METTL8: variants seen among roughly 807,000 people sequenced by gnomAD.
The protein encoded by METTL8 is methyltransferase 8, tRNA N3-cytidine, also known as tRNA N(3)-cytidine methyltransferase METTL8, mitochondrial.
In METTL8, 32 loss-of-function variants were observed where a neutral mutation model predicts 48.7. That is an observed-to-expected ratio of 0.66 (90% CI 0.50 to 0.88). METTL8 has a LOEUF of 0.88. Ranked by LOEUF, METTL8 falls within the 40% of genes least tolerant of loss-of-function variation. METTL8 has a pLI of 0.00. For synonymous variants in METTL8, 136 were observed against 157.1 expected, an observed-to-expected ratio of 0.87 and a Z score of 1.01; for missense variants, 464 against 474.4, an observed-to-expected ratio of 0.98 and a Z score of 0.20.
At chr2:171,418,719 C>T (rs761633472) in intron 1 of METTL8, among the ~76,000 whole-genome samples, 3 of 151,892 alleles carry the variant, frequency 2.0e-5, no homozygotes, top group Non-Finnish European at 4.4e-5. Flanking sequence ...TTTGGGAGGC[C>T]GAAGCTGGAG....
Position 171,392,101 on chromosome 2 carries a change from C to A in METTL8, c.85G>T (p.Ala29Ser). ...HRYQSGYHPV[A>S]PLGSRILTDP... is the part of the protein sequence containing the mutation. ...GTTAAAATCCTTGATCCCAGAGGGG[C>A]CACTGGGTGGTAACCACTTTGGTAT... The change falls in exon 2 of 10, where the codon GCC becomes TCC. Residue 29 changes from alanine to serine, a missense_variant. Ala to Ser is a moderately conservative substitution (Grantham distance 99). Coordinates refer to ENST00000375258, the MANE Select transcript of METTL8 (RefSeq NM_001321154.2). 10 of 1,551,636 alleles carry A rather than the reference C, an allele frequency of 6.4e-6. No homozygotes were observed. The highest frequency in any genetic ancestry group is 8.7e-6 in the Non-Finnish European group (10 of 1,146,936).
Position 171,338,408 on chromosome 2 carries a change from C to A in METTL8, c.606+776G>T, listed in dbSNP as rs146105944. 1.9e-3 allele frequency among the ~76,000 whole-genome samples: 293 copies of A among 152,132 alleles called. 7 individuals are homozygous for A. In the East Asian group the frequency reaches 0.029, roughly 15 times the overall value. On this transcript the variant is annotated intron_variant, in intron 4 of 9. Transcript: ENST00000375258. Reference sequence around the variant, plus strand: ...ATCCCAGCACTTTAGGAGGCTGAGGCGGGCGGATCACCTGAGGCCAGGAGT... The same window carrying A: ...ATCCCAGCACTTTAGGAGGCTGAGGAGGGCGGATCACCTGAGGCCAGGAGT...
intron 1 of METTL8, among the ~76,000 whole-genome samples, chr2:171,405,084 A>G (rs564095071): frequency 4.6e-5 from 7 of 152,310 alleles, no homozygotes; most frequent in African/African-American, 1.7e-4. Flanking sequence ...CACAGGCAAA[A>G]AGGCTAGATA....
intron 6 of METTL8, among the ~76,000 whole-genome samples, chr2:171,331,035 G>A (rs1048616364): frequency 1.3e-5 from 2 of 152,164 alleles, no homozygotes; most frequent in African/African-American, 4.8e-5. Flanking sequence ...TTTGGACTAC[G>A]ATTATTCATG....
chr2:171,355,395 C>G (rs1038300775), intron 3 of METTL8, among the ~76,000 whole-genome samples: 10 of 152,132 alleles, frequency 6.6e-5, no homozygotes, highest in Non-Finnish European at 1.2e-4. Flanking sequence ...AGGTGCCTCC[C>G]AGTTAGGCTA....
At chr2:171,334,385 T>G (rs954400354) in intron 5 of METTL8, among the ~76,000 whole-genome samples, 6 of 152,198 alleles carry the variant, frequency 3.9e-5, no homozygotes, top group Non-Finnish European at 5.9e-5. Flanking sequence ...TAAAATCAGC[T>G]GACTACCTTG....
At chr2:171,392,325 A>C (rs1417927426) in intron 1 of METTL8, 128 bp from the exon 2 acceptor site, 3 of 673,824 alleles carry the variant, frequency 4.5e-6, no homozygotes, top group Non-Finnish European at 7.2e-6. Context: ...CTTTTTAATG[A>C]AAGATGAGCA....
At chr2:171,406,456 C>G (rs1158162291) in intron 1 of METTL8, among the ~76,000 whole-genome samples, 1 of 152,146 alleles carries the variant, frequency 6.6e-6, no homozygotes, top group Admixed American at 6.5e-5. Context: ...GCTAGAAGTC[C>G]CATATCAAAG....
chr2:171,330,759 T>C, intron 6 of METTL8, 61 bp from the exon 7 acceptor site: 1 of 1,441,274 alleles, frequency 6.9e-7, no homozygotes, highest in Non-Finnish European at 9.3e-7. Flanking sequence ...GGATTTTTTT[T>C]TTTTTAAATA....
At chr2:171,401,476 A>G (rs1689633995) in intron 1 of METTL8, among the ~76,000 whole-genome samples, 1 of 152,188 alleles carries the variant, frequency 6.6e-6, no homozygotes, top group Admixed American at 6.5e-5. Flanking sequence ...TGATCACACT[A>G]TGACGTCAGT....
chr2:171,417,527 A>G (rs1003806395), intron 1 of METTL8, among the ~76,000 whole-genome samples: 2 of 152,240 alleles, frequency 1.3e-5, no homozygotes, highest in African/African-American at 4.8e-5. Flanking sequence ...AGATAAAGAA[A>G]TTGAAGCACA....
At chr2:171,376,865 C>A (rs1027216581) in intron 2 of METTL8, among the ~76,000 whole-genome samples, 7 of 151,902 alleles carry the variant, frequency 4.6e-5, no homozygotes, top group Non-Finnish European at 8.8e-5. Context: ...TATATAGAAC[C>A]AAAAAAGAGC....
chr2:171,401,919 A>G (rs1449308796), intron 1 of METTL8, among the ~76,000 whole-genome samples: 1 of 152,138 alleles, frequency 6.6e-6, no homozygotes, highest in East Asian at 1.9e-4. Context: ...AATATGTATT[A>G]TTGTTAAGTC....
chr2:171,324,366 T>A lies in METTL8; in HGVS notation c.1034-4A>T. 1 of 1,550,450 alleles carries A rather than the reference T, an allele frequency of 6.4e-7. No homozygotes were observed. Among genetic ancestry groups the A allele is most frequent in the Non-Finnish European group, 8.7e-7 (1 of 1,146,578 alleles). ...CAGAACATACTGTGGACTTCCCCTG[T>A]GAGACAAAAATGGCAATAAAAGATA... is the stretch of plus-strand genomic sequence containing the variant. On this transcript the variant is annotated splice_polypyrimidine_tract_variant and splice_region_variant and intron_variant, in intron 9 of 9. Transcript: ENST00000375258.
At chr2:171,340,853 C>A (rs1481153893) in intron 3 of METTL8, among the ~76,000 whole-genome samples, 2 of 152,130 alleles carry the variant, frequency 1.3e-5, no homozygotes, top group African/African-American at 4.8e-5. Context: ...TCCATTCTTC[C>A]CCCAACCTCC....
At chr2:171,335,549 C>A (rs538148552) in intron 5 of METTL8, among the ~76,000 whole-genome samples, 23 of 152,016 alleles carry the variant, frequency 1.5e-4, no homozygotes, top group Non-Finnish European at 3.1e-4. Flanking sequence ...CTCAGCCTCC[C>A]GAGTAGCTAG....
intron 1 of METTL8, among the ~76,000 whole-genome samples, chr2:171,395,347 T>G (rs1015969558): frequency 6.6e-6 from 1 of 152,116 alleles, no homozygotes; most frequent in Non-Finnish European, 1.5e-5. Flanking sequence ...AGATAGCATA[T>G]GTAAACCCAA....
chr2:171,360,542 T>C (rs774500621), intron 2 of METTL8, 29 bp from the exon 3 acceptor site: 10 of 1,585,676 alleles, frequency 6.3e-6, no homozygotes, highest in East Asian at 2.2e-5. Context: ...CTGTAAAATA[T>C]GCTTTATCAT....
chr2:171,330,352 A>G (rs1685386598), intron 7 of METTL8, among the ~76,000 whole-genome samples: 1 of 152,254 alleles, frequency 6.6e-6, no homozygotes, highest in South Asian at 2.1e-4. Context: ...TGACAGTGAC[A>G]GAAAGCTCAT....
Sources: allele counts gnomAD v4.1 joint callset (sites outside exome capture counted in the v4.1 genomes callset), GRCh38; gene constraint gnomAD v4.1.1; transcripts MANE v1.5; gene names NCBI Gene and HGNC (gene_info 2026-07-23, HGNC 2026-07-21).